DMRT1: variants seen among roughly 807,000 people sequenced by gnomAD.
DMRT1 encodes doublesex and mab-3 related transcription factor 1, also known as doublesex- and mab-3-related transcription factor 1.
In DMRT1, 7 loss-of-function variants were observed where a neutral mutation model predicts 32.3. The ratio of observed to expected loss-of-function variants is 0.22; its 90% confidence interval spans 0.12 to 0.41. The LOEUF (loss-of-function observed/expected upper bound fraction) is 0.41. DMRT1 is among the 10% of genes least tolerant of loss of function. DMRT1 has a pLI of 1.00. For missense variants in DMRT1, 625 were observed against 500.5 expected (o/e 1.25, Z -2.37); for synonymous variants, 278 against 206.1 (o/e 1.35, Z -2.99).
chr9:856,423 C>G (rs1052841875), intron 2 of DMRT1, among the ~76,000 whole-genome samples: 2 of 152,142 alleles, frequency 1.3e-5, no homozygotes, highest in Admixed American at 6.5e-5. Flanking sequence ...TAGGCAGACA[C>G]TAATAGATTT....
intron 3 of DMRT1, among the ~76,000 whole-genome samples, chr9:905,791 CT>C (rs1160848335): frequency 6.6e-6 from 1 of 152,074 alleles, no homozygotes; most frequent in Non-Finnish European, 1.5e-5. Context: ...TGTGAGCCTC[CT>C]TTTGTGGATG....
chr9:929,901 C>T (rs1045505736), intron 4 of DMRT1, among the ~76,000 whole-genome samples: 7 of 152,042 alleles, frequency 4.6e-5, no homozygotes, highest in African/African-American at 1.2e-4. Flanking sequence ...TGAGAGAAGG[C>T]GTGGCTGCAG....
intron 2 of DMRT1, among the ~76,000 whole-genome samples, chr9:854,770 TC>T (rs1396177189): frequency 3.2e-5 from 4 of 125,918 alleles, no homozygotes; most frequent in African/African-American, 6.0e-5. Flanking sequence ...AAAACAAAAC[TC>T]CTTTTTTTTT....
chr9:944,387 G>C (rs750409342), intron 4 of DMRT1, among the ~76,000 whole-genome samples: 3 of 152,114 alleles, frequency 2.0e-5, no homozygotes, highest in Non-Finnish European at 4.4e-5. Context: ...TTCCCCTCCA[G>C]CATCCTCACA....
intron 4 of DMRT1, among the ~76,000 whole-genome samples, chr9:946,809 G>A (rs1054210384): frequency 1.3e-5 from 2 of 152,128 alleles, no homozygotes; most frequent in Non-Finnish European, 2.9e-5. Context: ...AGGAAAGATT[G>A]GGGAATACGT....
At chr9:870,587 T>A (rs1360274917) in intron 2 of DMRT1, among the ~76,000 whole-genome samples, 1 of 152,152 alleles carries the variant, frequency 6.6e-6, no homozygotes, top group South Asian at 2.1e-4. Context: ...AGCTTTCTGA[T>A]ACTTTTTTAG....
chr9:901,365 T>C (rs535444421), intron 3 of DMRT1, among the ~76,000 whole-genome samples: 147 of 152,024 alleles, frequency 9.7e-4, no homozygotes, highest in Middle Eastern at 6.9e-3. Context: ...CTCACTCTGT[T>C]GCCCAGGCTA....
intron 3 of DMRT1, among the ~76,000 whole-genome samples, chr9:911,742 A>G (rs987339101): frequency 3.9e-5 from 6 of 152,110 alleles, no homozygotes; most frequent in African/African-American, 1.4e-4. Flanking sequence ...TCCACTCACC[A>G]CAGCCTTCCA....
At chr9:850,373 G>A (rs1222790502) in intron 2 of DMRT1, among the ~76,000 whole-genome samples, 1 of 152,208 alleles carries the variant, frequency 6.6e-6, no homozygotes, top group East Asian at 1.9e-4. Context: ...AAGCTTGTAT[G>A]CAGCAAAGGG....
At chr9:913,461 A>G (rs1818060017) in intron 3 of DMRT1, among the ~76,000 whole-genome samples, 1 of 152,104 alleles carries the variant, frequency 6.6e-6, no homozygotes, top group African/African-American at 2.4e-5. Flanking sequence ...ATGGCAACAG[A>G]CCCCTGAAAA....
chr9:953,374 C>T (rs918338760), intron 4 of DMRT1, among the ~76,000 whole-genome samples: 1 of 152,152 alleles, frequency 6.6e-6, no homozygotes, highest in Non-Finnish European at 1.5e-5. Flanking sequence ...CATCCAAGGA[C>T]AGAGTTTAAG....
chr9:926,878 A>T (rs539135137), intron 4 of DMRT1, among the ~76,000 whole-genome samples: 1 of 152,274 alleles, frequency 6.6e-6, no homozygotes, highest in African/African-American at 2.4e-5. Flanking sequence ...CAGTAGAGGG[A>T]CCCAGCTCTC....
intron 4 of DMRT1, among the ~76,000 whole-genome samples, chr9:932,098 A>G (rs150482532): frequency 6.6e-6 from 1 of 152,054 alleles, no homozygotes; most frequent in Admixed American, 6.5e-5. Flanking sequence ...CGCAGTGGTC[A>G]CTCACACCCC....
chr9:910,382 G>A (rs1448705203), intron 3 of DMRT1, among the ~76,000 whole-genome samples: 3 of 151,700 alleles, frequency 2.0e-5, no homozygotes, highest in Admixed American at 1.3e-4. Context: ...GCCATGCGAT[G>A]TTTAGTAAAC....
chr9:849,765 C>A (rs563132254), intron 2 of DMRT1, among the ~76,000 whole-genome samples: 6 of 149,328 alleles, frequency 4.0e-5, no homozygotes, highest in South Asian at 2.2e-4. Flanking sequence ...TGCTCAGGCA[C>A]AGGTGGGCAA....
At chr9:894,534 C>T (rs990767591) in intron 3 of DMRT1, 11 of 365,736 alleles carry the variant, frequency 3.0e-5, no homozygotes, top group Non-Finnish European at 5.3e-5. Context: ...CAGTTGGGCA[C>T]AGGCAGATCA....
At chr9:867,375 C>G in intron 2 of DMRT1, among the ~76,000 whole-genome samples, 1 of 152,180 alleles carries the variant, frequency 6.6e-6, no homozygotes, top group East Asian at 1.9e-4. Flanking sequence ...GCGGGCAGTG[C>G]TTTATTCTGT....
At chr9:939,450 C>A (rs1207443876) in intron 4 of DMRT1, among the ~76,000 whole-genome samples, 2 of 152,164 alleles carry the variant, frequency 1.3e-5, no homozygotes, top group Non-Finnish European at 1.5e-5. Flanking sequence ...ATGACAAAAA[C>A]AGAGTTAATT....
rs142348312 is a variant in DMRT1, at chr9:877,120, T to C, written c.539-16792T>C. The stretch of plus-strand genomic sequence containing the variant: ...GTGGTCACATTCTGTGAAAGGCTAT[T>C]GGATTTAATTCTCTGTGGTTCACCT... On this transcript the variant is annotated intron_variant, in intron 2 of 4. Coordinates refer to ENST00000382276, the MANE Select transcript of DMRT1 (RefSeq NM_021951.3). Among the ~76,000 whole-genome samples the C allele has an allele frequency of 6.1e-3, 925 of 152,068 alleles. 10 individuals carry two copies. Among genetic ancestry groups the C allele is most frequent in the African/African-American group, 0.021 (860 of 41,338 alleles).
Sources: gnomAD v4.1 joint callset for allele counts (sites outside exome capture counted in the v4.1 genomes callset) on GRCh38, gnomAD v4.1.1 for gene constraint, MANE v1.5 for transcripts, NCBI Gene and HGNC (gene_info 2026-07-23, HGNC 2026-07-21) for gene names.